The following PRKAG2 variants were observed in gnomAD, a reference collection of about 807,000 sequenced individuals.
PRKAG2 encodes protein kinase AMP-activated non-catalytic subunit gamma 2.
A neutral mutation model predicts 69.6 loss-of-function variants in PRKAG2; 26 were observed. The observed-to-expected ratio is 0.37, with a 90% CI of 0.27 to 0.52. The LOEUF (loss-of-function observed/expected upper bound fraction) is 0.52. Among genes scored for constraint, PRKAG2 ranks in the 20% least tolerant of loss-of-function variants. The pLI is 0.90. For missense variants in PRKAG2, 557 were observed against 740.0 expected (o/e 0.75, Z 2.87); for synonymous variants, 293 against 285.0 (o/e 1.03, Z -0.28).
intron 3 of PRKAG2, among the ~76,000 whole-genome samples, chr7:151,770,256 CACAG>C (rs954282313): frequency 7.2e-5 from 11 of 152,326 alleles, no homozygotes; most frequent in African/African-American, 2.2e-4. Context: ...GGAGGCTGCA[CACAG>C]ACAGTCTTCG....
At chr7:151,763,872 T>A (rs1044160816) in intron 3 of PRKAG2, among the ~76,000 whole-genome samples, 19 of 152,376 alleles carry the variant, frequency 1.2e-4, no homozygotes, top group Admixed American at 1.1e-3. Context: ...GACAGTGCCC[T>A]GAGCCCAGGC....
intron 3 of PRKAG2, among the ~76,000 whole-genome samples, chr7:151,727,137 C>T (rs183808302): frequency 1.7e-4 from 26 of 152,164 alleles, no homozygotes; most frequent in Non-Finnish European, 2.8e-4. Flanking sequence ...ATCTCTTGAA[C>T]CCAGCAGGCG....
intron 6 of PRKAG2, among the ~76,000 whole-genome samples, chr7:151,595,086 C>T (rs566198702): frequency 6.6e-6 from 1 of 152,214 alleles, no homozygotes; most frequent in East Asian, 1.9e-4. Flanking sequence ...ACGTGAGCCA[C>T]TGCACCTGGC....
At chr7:151,587,876 T>C (rs920979896) in intron 6 of PRKAG2, among the ~76,000 whole-genome samples, 2 of 152,164 alleles carry the variant, frequency 1.3e-5, no homozygotes, top group Non-Finnish European at 2.9e-5. Context: ...TAACCATGTA[T>C]CAATATTGGT....
intron 3 of PRKAG2, among the ~76,000 whole-genome samples, chr7:151,778,175 C>T (rs773942262): frequency 3.9e-5 from 6 of 152,142 alleles, no homozygotes; most frequent in Admixed American, 1.3e-4. Flanking sequence ...ATCAGCAGTG[C>T]CCGTTCCCTA....
intron 4 of PRKAG2, among the ~76,000 whole-genome samples, chr7:151,636,737 C>T (rs938162832): frequency 2.0e-5 from 3 of 152,092 alleles, no homozygotes; most frequent in Non-Finnish European, 4.4e-5. Context: ...TGGAGTCTCA[C>T]TCTGTCACCC....
At chr7:151,851,318 A>G (rs1454675961) in intron 1 of PRKAG2, among the ~76,000 whole-genome samples, 13 of 150,930 alleles carry the variant, frequency 8.6e-5, no homozygotes, top group Non-Finnish European at 1.5e-5. Flanking sequence ...CCAGTTTGAG[A>G]CTGGCGAGTT....
chr7:151,820,467 GCAGGGCACA>G (rs2078741671), intron 1 of PRKAG2, among the ~76,000 whole-genome samples: 1 of 140,386 alleles, frequency 7.1e-6, no homozygotes, highest in Non-Finnish European at 1.6e-5. Flanking sequence ...TGTGGCTTCT[GCAGGGCACA>G]CTCTACTCGG....
At chr7:151,607,048 C>T (rs1163454576) in intron 5 of PRKAG2, among the ~76,000 whole-genome samples, 1 of 152,186 alleles carries the variant, frequency 6.6e-6, no homozygotes, top group Non-Finnish European at 1.5e-5. Flanking sequence ...TGTTAAATCT[C>T]ACTACTCTTT....
chr7:151,779,182 A>AAT (rs2076548644), intron 3 of PRKAG2, among the ~76,000 whole-genome samples: 1 of 152,242 alleles, frequency 6.6e-6, no homozygotes, highest in Non-Finnish European at 1.5e-5. Flanking sequence ...TAAGAAATTG[A>AAT]TATGGTTTCA....
chr7:151,640,172 A>G (rs1016518025), intron 4 of PRKAG2, among the ~76,000 whole-genome samples: 1 of 152,068 alleles, frequency 6.6e-6, no homozygotes, highest in African/African-American at 2.4e-5. Context: ...TTAGCCGGGT[A>G]TGGGGCATGC....
intron 4 of PRKAG2, among the ~76,000 whole-genome samples, chr7:151,668,070 G>A (rs1054325304): frequency 5.9e-5 from 9 of 152,228 alleles, no homozygotes; most frequent in African/African-American, 2.2e-4. Context: ...GGGGCCTAGT[G>A]GGAGGTGTTT....
intron 1 of PRKAG2, among the ~76,000 whole-genome samples, chr7:151,873,428 A>G (rs1433174615): frequency 1.3e-5 from 2 of 152,078 alleles, no homozygotes; most frequent in Non-Finnish European, 2.9e-5. Context: ...TGAAAGCCTC[A>G]TTTTCCCAGC....
chr7:151,762,207 G>A (rs948579190), intron 3 of PRKAG2, among the ~76,000 whole-genome samples: 1 of 152,172 alleles, frequency 6.6e-6, no homozygotes, highest in Non-Finnish European at 1.5e-5. Context: ...GGGAGAAGAC[G>A]AGAGGAAGGC....
At position 151,855,844 on chromosome 7, in the gene PRKAG2, G is replaced by A. The variant is rs1181132862; in HGVS notation, c.114+20663C>T. On this transcript the variant is annotated intron_variant, in intron 1 of 15. Coordinates refer to ENST00000287878, the MANE Select transcript of PRKAG2 (RefSeq NM_016203.4). ...ACCTCACAGATGAGTCTGTGTCCTCGCTTAGGCGAAAGCTGAGCTCCATGA... is the reference window on the plus strand; with the variant it reads ...ACCTCACAGATGAGTCTGTGTCCTCACTTAGGCGAAAGCTGAGCTCCATGA... Among the ~76,000 whole-genome samples, 7 of 152,344 alleles carry A rather than the reference G, an allele frequency of 4.6e-5. No individual in the cohort carries two copies. The South Asian group carries it at 6.2e-4, about 14-fold the overall frequency.
chr7:151,682,113 C>T (rs1265349999), intron 3 of PRKAG2, among the ~76,000 whole-genome samples: 1 of 152,166 alleles, frequency 6.6e-6, no homozygotes, highest in Non-Finnish European at 1.5e-5. Context: ...GCTATTCAAT[C>T]AGTAGAGAAA....
chr7:151,849,486 T>A (rs1456726261), intron 1 of PRKAG2, among the ~76,000 whole-genome samples: 2 of 152,174 alleles, frequency 1.3e-5, no homozygotes, highest in Non-Finnish European at 2.9e-5. Flanking sequence ...AAACACCAAG[T>A]CCTGCTGTAT....
rs727504618 is a variant in PRKAG2, at chr7:151,595,402, C to T, written c.807G>A (p.Lys269=). The change falls in exon 6 of 16, where the codon AAG becomes AAA. Residue 269 remains lysine, a synonymous_variant. Transcript: ENST00000287878. The part of the protein sequence containing the change: ...GVYMRFMRSH[K]CYDIVPTSSK... ...AACTGGTTGGAACGATGTCATAACA[C>T]TTGTGTGACCTCATGAATCGCATGT... The T allele has an allele frequency of 5.0e-6, 8 of 1,614,042 alleles. No homozygotes were observed. The highest frequency in any genetic ancestry group is 3.3e-5 in the Admixed American group (2 of 60,020).
Position 151,865,745 on chromosome 7 carries a change from C to T in PRKAG2, c.114+10762G>A, listed in dbSNP as rs187353741. 2.8e-3 allele frequency among the ~76,000 whole-genome samples: 422 copies of T among 152,234 alleles called. 1 individual carries two copies. The highest frequency in any genetic ancestry group is 2.5e-3 in the Non-Finnish European group (168 of 68,016). On this transcript the variant is annotated intron_variant, in intron 1 of 15. Transcript: ENST00000287878. ...CTATGAAAGTGGAGAAGAGGCCGGG[C>T]GCAGTGGCTCACGCCTGTAATCCCA...
Sources: allele counts gnomAD v4.1 joint callset (sites outside exome capture counted in the v4.1 genomes callset), GRCh38; gene constraint gnomAD v4.1.1; transcripts MANE v1.5; gene names NCBI Gene and HGNC (gene_info 2026-07-23, HGNC 2026-07-21).